IRAG2: variants seen among roughly 807,000 people sequenced by gnomAD.
IRAG2 encodes inositol 1,4,5-triphosphate receptor associated 2.
IRAG2 carries 45 observed loss-of-function variants against 69.9 expected under a neutral mutation model. The observed-to-expected ratio is 0.64, with a 90% CI of 0.51 to 0.83. IRAG2 has a LOEUF of 0.83. IRAG2 is among the 40% of genes least tolerant of loss of function. The pLI is 0.00. For synonymous variants in IRAG2, 193 were observed against 202.4 expected, an observed-to-expected ratio of 0.95 and a Z score of 0.40; for missense variants, 520 against 587.0, an observed-to-expected ratio of 0.89 and a Z score of 1.18.
upstream of IRAG2, among the ~76,000 whole-genome samples, chr12:24,999,685 A>G (rs1278742422): frequency 6.6e-6 from 1 of 152,166 alleles, no homozygotes; most frequent in African/African-American, 2.4e-5. Context: ...AGTGCATATA[A>G]TAGCCACATA....
At chr12:25,104,156 A>G in intron 19 of IRAG2, 98 bp downstream of exon 19, 1 of 1,057,474 alleles carries the variant, frequency 9.5e-7, no homozygotes, top group South Asian at 1.4e-5. Context: ...GTAATGTTTG[A>G]TTTGTACAAA....
intron 16 of IRAG2, among the ~76,000 whole-genome samples, chr12:25,041,401 T>C (rs1468684820): frequency 6.6e-6 from 1 of 152,202 alleles, no homozygotes; most frequent in Non-Finnish European, 1.5e-5. Context: ...ATTTGTGTTT[T>C]GAAAGATCTG....
chr12:25,035,549 A>T (rs1051691750), intron 13 of IRAG2: 21 of 397,032 alleles, frequency 5.3e-5, no homozygotes, highest in Non-Finnish European at 8.9e-5. Flanking sequence ...GAACCAAATG[A>T]CAAGGACAAT....
chr12:25,039,389 C>G (rs984968600), intron 16 of IRAG2, among the ~76,000 whole-genome samples: 3 of 152,218 alleles, frequency 2.0e-5, no homozygotes, highest in Admixed American at 6.5e-5. Flanking sequence ...AGTGGACACG[C>G]AGCTTCCTTA....
upstream of IRAG2, among the ~76,000 whole-genome samples, chr12:25,051,465 A>C (rs991987178): frequency 3.3e-5 from 5 of 152,258 alleles, no homozygotes; most frequent in Non-Finnish European, 5.9e-5. Context: ...GTTAAGGTCC[A>C]TATTCAAGTC....
chr12:25,082,061 A>G (rs1472416602), intron 9 of IRAG2, among the ~76,000 whole-genome samples: 1 of 152,096 alleles, frequency 6.6e-6, no homozygotes, highest in East Asian at 1.9e-4. Context: ...CATTTGACTA[A>G]TTAAAAAAAA....
chr12:25,006,956 A>G (rs1276020275), intron 2 of IRAG2, among the ~76,000 whole-genome samples: 1 of 152,236 alleles, frequency 6.6e-6, no homozygotes, highest in Non-Finnish European at 1.5e-5. Context: ...ACAAGCGAAA[A>G]GAAGGAAAAA....
At chr12:25,041,662 G>GTTTT in intron 16 of IRAG2, among the ~76,000 whole-genome samples, 1 of 102,734 alleles carries the variant, frequency 9.7e-6, no homozygotes, top group Admixed American at 9.4e-5. Context: ...GCTAAGTTTT[G>GTTTT]TTTTTTTTTG....
chr12:25,093,585 T>C (rs1460830434), intron 14 of IRAG2: 1 of 153,404 alleles, frequency 6.5e-6, no homozygotes, highest in Non-Finnish European at 1.5e-5. Flanking sequence ...TCAGAAGTGC[T>C]CGAGCTTCTT....
At chr12:25,040,838 C>T (rs1361346541) in intron 16 of IRAG2, among the ~76,000 whole-genome samples, 1 of 152,188 alleles carries the variant, frequency 6.6e-6, no homozygotes, top group Non-Finnish European at 1.5e-5. Flanking sequence ...TCCCCAACCC[C>T]AGATGATAAG....
chr12:25,069,205 T>C (rs1480044342), intron 5 of IRAG2, 145 bp from the exon 6 acceptor site: 1 of 499,818 alleles, frequency 2.0e-6, no homozygotes, highest in African/African-American at 2.0e-5. Context: ...TCTTTCATTA[T>C]GTGTTACTTA....
intron 14 of IRAG2, among the ~76,000 whole-genome samples, chr12:25,095,845 A>T (rs1396282285): frequency 6.6e-6 from 1 of 152,168 alleles, no homozygotes; most frequent in African/African-American, 2.4e-5. Flanking sequence ...CTGTTTCTTC[A>T]TGGCTTAATC....
intron 1 of IRAG2, among the ~76,000 whole-genome samples, chr12:25,053,785 TATAATTATAA>T (rs1276061736): frequency 1.3e-5 from 2 of 150,766 alleles, no homozygotes; most frequent in African/African-American, 4.8e-5. Context: ...TTAATTGTTA[TATAATTATAA>T]ATAATTATAT....
At position 25,097,181 on chromosome 12, in the gene IRAG2, A is replaced by AT. The variant is rs199751819; in HGVS notation, c.741+138dup. Reference sequence around the variant, plus strand: ...TATAAGACATATGCGTTTAATACATATGTGTTTAATACAGAAAAAATGGAA... The same window carrying AT: ...TATAAGACATATGCGTTTAATACATATTGTGTTTAATACAGAAAAAATGGAA... On this transcript the variant is annotated intron_variant, in intron 15 of 21. Transcript: ENST00000556887. 1,999 of 693,938 alleles carry AT rather than the reference A, an allele frequency of 2.9e-3. 33 individuals carry two copies. In the African/African-American group the frequency reaches 0.033, roughly 12 times the overall value. The allele number at this position is 693,938 out of a possible 1,614,324, so 43.0% of individuals were successfully genotyped here. A position where few individuals can be genotyped will look rare whatever the true frequency, so the allele number is the denominator to read the frequency against.
chr12:25,046,374 AT>A (rs1944793723), intron 16 of IRAG2, among the ~76,000 whole-genome samples: 3 of 152,228 alleles, frequency 2.0e-5, no homozygotes, highest in East Asian at 3.9e-4. Context: ...AGAAAAAAAA[AT>A]AAAAGGCATA....
intron 1 of IRAG2, among the ~76,000 whole-genome samples, chr12:25,053,351 A>G (rs1944981595): frequency 6.6e-6 from 1 of 151,772 alleles, no homozygotes; most frequent in Non-Finnish European, 1.5e-5. Flanking sequence ...CATATGGTAG[A>G]AAAGGCCTTG....
chr12:25,079,723 G>C lies in IRAG2; in HGVS notation c.204G>C (p.Glu68Asp). ...DLDRNSLCKK[E>D]EDTRSASPTI... is the part of the protein sequence containing the mutation. Reference sequence around the variant, plus strand: ...ACAGAAACTCGCTCTGTAAGAAAGAGGAGGATACAAGATCAGCTTCTCCCA... The same window carrying C: ...ACAGAAACTCGCTCTGTAAGAAAGACGAGGATACAAGATCAGCTTCTCCCA... Residue 68 changes from glutamate to aspartate, a missense_variant, in exon 9 of 22, where the codon GAG becomes GAC. Coordinates refer to ENST00000556887, the MANE Select transcript of IRAG2 (RefSeq NM_001366544.2). 6.2e-7 allele frequency: 1 copy of C among 1,613,986 alleles called. No individual in the cohort carries two copies. Among genetic ancestry groups the C allele is most frequent in the Non-Finnish European group, 8.5e-7 (1 of 1,179,914 alleles).
At chr12:25,074,847 C>A (rs934612122) in intron 6 of IRAG2, among the ~76,000 whole-genome samples, 4 of 152,150 alleles carry the variant, frequency 2.6e-5, no homozygotes, top group African/African-American at 9.7e-5. Flanking sequence ...GATGTACTAT[C>A]ACTGGGAGGC....
At chr12:25,035,634 A>G in intron 13 of IRAG2, 1 of 398,990 alleles carries the variant, frequency 2.5e-6, no homozygotes, top group African/African-American at 2.1e-5. Context: ...AATTGTGGGC[A>G]TTTCGATCCT....
Sources: gnomAD v4.1 joint callset for allele counts (sites outside exome capture counted in the v4.1 genomes callset) on GRCh38, gnomAD v4.1.1 for gene constraint, MANE v1.5 for transcripts, NCBI Gene and HGNC (gene_info 2026-07-23, HGNC 2026-07-21) for gene names.